The following TBCEL variants were observed in gnomAD, a reference collection of about 807,000 sequenced individuals.
TBCEL encodes tubulin-specific chaperone cofactor E-like protein.
Under a neutral mutation model 44.2 loss-of-function variants are expected in TBCEL, and 15 were observed. That is an observed-to-expected ratio of 0.34 (90% CI 0.23 to 0.52). The LOEUF (loss-of-function observed/expected upper bound fraction) is 0.52. TBCEL is among the 20% of genes least tolerant of loss of function. The pLI is 0.95. For synonymous variants in TBCEL, 171 were observed against 185.4 expected (o/e 0.92, Z 0.63); for missense variants, 319 against 506.3 (o/e 0.63, Z 3.55).
At chr11:121,079,849 C>T (rs1221619017) in intron 8 of TBCEL, among the ~76,000 whole-genome samples, 1 of 152,188 alleles carries the variant, frequency 6.6e-6, no homozygotes, top group Non-Finnish European at 1.5e-5. Flanking sequence ...GAGTCTCACT[C>T]TGTCACCCAG....
intron 1 of TBCEL, among the ~76,000 whole-genome samples, chr11:121,024,827 G>A (rs527839644): frequency 2.0e-5 from 3 of 152,310 alleles, no homozygotes; most frequent in Non-Finnish European, 2.9e-5. Context: ...ACCAGGGGCT[G>A]ATAAAAGGAT....
In TBCEL at chr11:121,055,229, T is replaced by A; in HGVS notation, c.633T>A (p.His211Gln). The change falls in exon 6 of 9, where the codon CAT becomes CAA. Residue 211 changes from histidine to glutamine, a missense_variant. Physicochemically the swap from His to Gln is conservative, Grantham distance 24. Coordinates refer to ENST00000683345, the MANE Select transcript of TBCEL (RefSeq NM_001363644.2). ...SLDTLVLANN[H>Q]LNAIEEPDDS... ...ATACCCTCGTCCTGGCCAACAATCA[T>A]TTGAATGCTATTGAGGAGCCTGATG... 3 of 1,612,264 alleles carry A rather than the reference T, an allele frequency of 1.9e-6. No homozygotes were observed. Among genetic ancestry groups the A allele is most frequent in the Non-Finnish European group, 2.5e-6 (3 of 1,178,966 alleles).
intron 8 of TBCEL, among the ~76,000 whole-genome samples, chr11:121,070,312 A>G (rs1306940555): frequency 6.6e-6 from 1 of 152,230 alleles, no homozygotes; most frequent in Non-Finnish European, 1.5e-5. Context: ...TCAAGGATCT[A>G]GAACTAGAAA....
chr11:121,070,849 G>C (rs572078764), intron 8 of TBCEL, among the ~76,000 whole-genome samples: 1 of 146,904 alleles, frequency 6.8e-6, no homozygotes, highest in Admixed American at 6.8e-5. Context: ...AAAAAAAAAA[G>C]GCAGCAGCTG....
Position 121,086,771 on chromosome 11 carries a change from C to G in TBCEL, c.957-7C>G. ...TAAGCTGACAGTGTTGTTTTTAATC[C>G]TTCTAGGTATCATGAACTGATCACT... On this transcript the variant is annotated splice_polypyrimidine_tract_variant and splice_region_variant and intron_variant, in intron 8 of 8. Coordinates refer to ENST00000683345, the MANE Select transcript of TBCEL (RefSeq NM_001363644.2). The G allele has an allele frequency of 6.2e-7, 1 of 1,603,940 alleles. No individual in the cohort carries two copies. The highest frequency in any genetic ancestry group is 8.5e-7 in the Non-Finnish European group (1 of 1,174,946).
At chr11:121,071,699 G>A (rs1359190557) in intron 8 of TBCEL, among the ~76,000 whole-genome samples, 1 of 152,158 alleles carries the variant, frequency 6.6e-6, no homozygotes. Flanking sequence ...AAAATATGGA[G>A]AGTATGTTTT....
intron 8 of TBCEL, among the ~76,000 whole-genome samples, chr11:121,082,888 G>C (rs1182054804): frequency 6.6e-6 from 1 of 152,174 alleles, no homozygotes; most frequent in African/African-American, 2.4e-5. Flanking sequence ...CACTTTAGCT[G>C]TGATCTGGAG....
At chr11:121,047,808 G>C in intron 4 of TBCEL, 141 bp downstream of exon 4, 1 of 1,068,174 alleles carries the variant, frequency 9.4e-7, no homozygotes, top group Non-Finnish European at 1.3e-6. Context: ...CTTATTGTCT[G>C]TATGTCTTTA....
In TBCEL at chr11:121,087,396, G is replaced by T; in HGVS notation, c.*300G>T. On this transcript the variant is annotated 3_prime_UTR_variant, in exon 9 of 9. Transcript: ENST00000683345. ...TTACTGTGTTCACTGGGATTTGCCT[G>T]CCACTTGGTTATCATTACTGTTGGG... 2.9e-6 allele frequency: 1 copy of T among 348,220 alleles called. No individual in the cohort carries two copies. The highest frequency in any genetic ancestry group is 5.3e-6 in the Non-Finnish European group (1 of 188,128). 21.6% of individuals were successfully genotyped at this position (348,220 alleles called of 1,614,324 possible).
chr11:121,053,654 C>T lies in TBCEL; in HGVS notation c.377C>T (p.Ser126Phe). 6.2e-7 allele frequency: 1 copy of T among 1,612,370 alleles called. No homozygotes were observed. The highest frequency in any genetic ancestry group is 8.5e-7 in the Non-Finnish European group (1 of 1,178,992). Residue 126 changes from serine (S) to phenylalanine (F), a missense_variant, in exon 5 of 9, where the codon TCT becomes TTT. Coordinates refer to ENST00000683345, the MANE Select transcript of TBCEL (RefSeq NM_001363644.2). ...VLERTCAGSF[S>F]GVRKLVLNNS... ...GAAAGAACATGTGCTGGGTCCTTCTCTGGGGTTCGCAAACTTGTCCTCAAC... is the reference window on the plus strand; with the variant it reads ...GAAAGAACATGTGCTGGGTCCTTCTTTGGGGTTCGCAAACTTGTCCTCAAC...
chr11:121,050,861 C>T (rs1945516683), intron 4 of TBCEL, among the ~76,000 whole-genome samples: 1 of 151,670 alleles, frequency 6.6e-6, no homozygotes, highest in South Asian at 2.1e-4. Context: ...CATGTTTCTG[C>T]ACATGAGCAT....
At chr11:121,052,475 T>C (rs1015644645) in intron 4 of TBCEL, among the ~76,000 whole-genome samples, 1 of 151,832 alleles carries the variant, frequency 6.6e-6, no homozygotes, top group African/African-American at 2.4e-5. Flanking sequence ...GAACCTCGTT[T>C]GAACCCAGGC....
chr11:121,062,528 G>A (rs1216309227), intron 8 of TBCEL, among the ~76,000 whole-genome samples: 1 of 151,944 alleles, frequency 6.6e-6, no homozygotes, highest in East Asian at 1.9e-4. Context: ...TAATCTTATG[G>A]GACCACTGTT....
intron 1 of TBCEL, among the ~76,000 whole-genome samples, chr11:121,025,712 A>G (rs1467744874): frequency 6.8e-6 from 1 of 146,406 alleles, no homozygotes; most frequent in Non-Finnish European, 1.5e-5. Flanking sequence ...TTCTAAGGAG[A>G]TGGATTTTTT....
intron 1 of TBCEL, among the ~76,000 whole-genome samples, chr11:121,025,095 G>T (rs1311921338): frequency 6.6e-6 from 1 of 152,220 alleles, no homozygotes. Flanking sequence ...AGGAAAGTTG[G>T]TTGGAAGTGT....
At position 121,047,662 on chromosome 11, in the gene TBCEL, C is replaced by A. The variant is rs774502378; in HGVS notation, c.268C>A (p.His90Asn). The A allele has an allele frequency of 6.2e-7, 1 of 1,612,206 alleles. No homozygotes were observed. Among genetic ancestry groups the A allele is most frequent in the South Asian group, 1.1e-5 (1 of 91,016 alleles). Residue 90 changes from histidine (H) to asparagine (N), a missense_variant, in exon 4 of 9, where the codon CAT (histidine) becomes AAT (asparagine). Transcript: ENST00000683345. Reference sequence around the variant, plus strand: ...TTCTGACAACAAACTCGAAGACTGGCATGAGGTGAAGTTTTTATATTGCTA... The same window carrying A: ...TTCTGACAACAAACTCGAAGACTGGAATGAGGTGAAGTTTTTATATTGCTA... ...DLSDNKLEDWHEVSKIVSNVP... is the reference protein window; with the variant it reads ...DLSDNKLEDWNEVSKIVSNVP...
At chr11:121,043,911 C>T (rs1358966898) in intron 2 of TBCEL, among the ~76,000 whole-genome samples, 1 of 152,006 alleles carries the variant, frequency 6.6e-6, no homozygotes, top group African/African-American at 2.4e-5. Context: ...GATTGTTTCC[C>T]TGGATGTTCC....
At chr11:121,057,627 G>T (rs1173410084) in intron 6 of TBCEL, 8 of 454,702 alleles carry the variant, frequency 1.8e-5, no homozygotes, top group Non-Finnish European at 3.5e-5. Context: ...AGTTGTGTCT[G>T]CACTGAACAT....
chr11:121,031,334 A>G (rs1447067401), intron 1 of TBCEL, among the ~76,000 whole-genome samples: 1 of 152,170 alleles, frequency 6.6e-6, no homozygotes, highest in East Asian at 1.9e-4. Flanking sequence ...GTTCTTCTGC[A>G]TTTTCTCCAA....
Sources: gnomAD v4.1 joint callset for allele counts (sites outside exome capture counted in the v4.1 genomes callset) on GRCh38, gnomAD v4.1.1 for gene constraint, MANE v1.5 for transcripts, NCBI Gene and HGNC (gene_info 2026-07-23, HGNC 2026-07-21) for gene names.